The following SMAP1 variants were observed in gnomAD, a reference collection of about 807,000 sequenced individuals.
The protein encoded by SMAP1 is stromal membrane-associated protein 1.
SMAP1 carries 24 observed loss-of-function variants against 58.5 expected under a neutral mutation model. The ratio of observed to expected loss-of-function variants is 0.41; its 90% CI spans 0.30 to 0.58. SMAP1 has a LOEUF of 0.58. SMAP1 is among the 20% of genes least tolerant of loss of function. The pLI, the probability that SMAP1 is intolerant of heterozygous loss-of-function variation, is 0.29. For missense variants in SMAP1, 563 were observed against 566.3 expected, an observed-to-expected ratio of 0.99 and a Z score of 0.06; for synonymous variants, 216 against 196.6, an observed-to-expected ratio of 1.10 and a Z score of -0.82.
intron 9 of SMAP1, chr6:70,857,303 G>C: frequency 3.8e-6 from 1 of 265,022 alleles, no homozygotes; most frequent in East Asian, 6.6e-5. Context: ...GATTATCTTT[G>C]ATGAATTATT....
chr6:70,768,637 C>G (rs1325234830), intron 3 of SMAP1, among the ~76,000 whole-genome samples: 1 of 152,098 alleles, frequency 6.6e-6, no homozygotes, highest in Non-Finnish European at 1.5e-5. Context: ...TGATTCTTCT[C>G]TCTTTTCTTG....
chr6:70,852,506 TC>T lies in SMAP1; in HGVS notation c.665-33del, dbSNP rs1157654018. ...CCATGTTTCAAGTAATTTAAGATAT[TC>T]TACGTTAAGACGAGAATCTATATTC... On this transcript the variant is annotated intron_variant, in intron 7 of 10. Coordinates refer to ENST00000370455, the MANE Select transcript of SMAP1 (RefSeq NM_001044305.3). 2 of 1,464,694 alleles carry T rather than the reference TC, an allele frequency of 1.4e-6. 1 individual carries two copies. Among genetic ancestry groups the T allele is most frequent in the South Asian group, 3.0e-5 (2 of 65,748 alleles). 90.7% of individuals were successfully genotyped at this position (1,464,694 alleles called of 1,614,324 possible).
chr6:70,782,635 T>C (rs1767810643), intron 4 of SMAP1, among the ~76,000 whole-genome samples: 1 of 152,208 alleles, frequency 6.6e-6, no homozygotes, highest in Non-Finnish European at 1.5e-5. Flanking sequence ...CTCTTCAGCT[T>C]GCAGACAGCC....
intron 6 of SMAP1, among the ~76,000 whole-genome samples, chr6:70,812,820 A>G (rs531428741): frequency 2.0e-5 from 3 of 152,256 alleles, no homozygotes; most frequent in South Asian, 4.1e-4. Flanking sequence ...TCTTCTGAAC[A>G]TGGCATTCTT....
intron 1 of SMAP1, among the ~76,000 whole-genome samples, chr6:70,668,912 A>C (rs1285604662): frequency 6.6e-6 from 1 of 152,168 alleles, no homozygotes; most frequent in African/African-American, 2.4e-5. Context: ...GAATATGTGG[A>C]CACTGATTTG....
chr6:70,743,558 G>A (rs897689542), intron 2 of SMAP1, among the ~76,000 whole-genome samples: 2 of 152,188 alleles, frequency 1.3e-5, no homozygotes, highest in East Asian at 3.8e-4. Flanking sequence ...AACCAGGCAC[G>A]TAATAAGCTT....
chr6:70,709,069 T>C (rs1767951707), intron 1 of SMAP1, among the ~76,000 whole-genome samples: 1 of 138,958 alleles, frequency 7.2e-6, no homozygotes, highest in South Asian at 2.4e-4. Context: ...CCCTATATTT[T>C]CTTCTAAGGA....
At position 70,668,588 on chromosome 6, in the gene SMAP1, C is replaced by A. The variant is rs1204769288; in HGVS notation, c.118+447C>A. The A allele has an allele frequency of 3.3e-6, 5 of 1,535,598 alleles. No individual in the cohort carries two copies. In the Admixed American group the frequency reaches 9.8e-5, roughly 30 times the overall value. On this transcript the variant is annotated intron_variant, in intron 1 of 10. Coordinates refer to ENST00000370455, the MANE Select transcript of SMAP1 (RefSeq NM_001044305.3). ...TCCCCTCCTCTACCCTCCGGTGTGA[C>A]CACGTCCTCCCACTCCGGGCTCGGA...
At chr6:70,753,265 ATATAG>A (rs1479111926) in intron 2 of SMAP1, among the ~76,000 whole-genome samples, 1 of 152,200 alleles carries the variant, frequency 6.6e-6, no homozygotes, top group Admixed American at 6.6e-5. Context: ...GATTGATGAG[ATATAG>A]TATAGCATTT....
At chr6:70,752,662 CTGT>C (rs1766326305) in intron 2 of SMAP1, among the ~76,000 whole-genome samples, 1 of 152,014 alleles carries the variant, frequency 6.6e-6, no homozygotes, top group African/African-American at 2.4e-5. Flanking sequence ...ACATCAGCTC[CTGT>C]TGTTTTTTTC....
intron 1 of SMAP1, among the ~76,000 whole-genome samples, chr6:70,684,962 G>C (rs960224583): frequency 1.3e-5 from 2 of 152,040 alleles, no homozygotes; most frequent in African/African-American, 2.4e-5. Context: ...TTCCTTCTTC[G>C]TGGTGGGGGT....
At chr6:70,798,636 A>G (rs1768711085) in intron 5 of SMAP1, 21 bp from the exon 6 acceptor site, 4 of 1,490,052 alleles carry the variant, frequency 2.7e-6, no homozygotes, top group Non-Finnish European at 3.6e-6. Flanking sequence ...AAACTTATCA[A>G]AACTTTGGGC....
chr6:70,785,977 A>C (rs1768005647), intron 4 of SMAP1, among the ~76,000 whole-genome samples: 1 of 152,144 alleles, frequency 6.6e-6, no homozygotes, highest in South Asian at 2.1e-4. Flanking sequence ...CCTGATACCA[A>C]AGCCTGACAG....
rs188347261 is a variant in SMAP1, at chr6:70,860,755, A to G, written c.*421A>G. 1.2e-5 allele frequency: 5 copies of G among 400,020 alleles called. No individual in the cohort carries two copies. The Admixed American group carries it at 1.7e-4, about 14-fold the overall frequency. The allele number at this position is 400,020 out of a possible 1,614,324, so 24.8% of individuals were successfully genotyped here. A position where few individuals can be genotyped will look rare whatever the true frequency, so the allele number is the denominator to read the frequency against. On this transcript the variant is annotated 3_prime_UTR_variant, in exon 11 of 11. Transcript: ENST00000370455. The stretch of plus-strand genomic sequence containing the variant: ...GTACTGTATGATCAAATGTTTAATC[A>G]TATAAATAGAATGTAAATGTCTCAC...
At chr6:70,858,285 ATCTTT>A in intron 10 of SMAP1, 56 bp downstream of exon 10, 62 of 1,019,520 alleles carry the variant, frequency 6.1e-5, no homozygotes, top group African/African-American at 1.4e-4. Context: ...TATTTTCTAA[ATCTTT>A]TTTTTTTTTT....
Position 70,783,150 on chromosome 6 carries a change from C to A in SMAP1, c.415-8539C>A, listed in dbSNP as rs1767835789. ...ATGAAAATCCGCTGTTCTACAGCCA[C>A]CGCTTTCCTGTAGCCACCGCTGCTA... On this transcript the variant is annotated intron_variant, in intron 4 of 10. Coordinates refer to ENST00000370455, the MANE Select transcript of SMAP1 (RefSeq NM_001044305.3). Among the ~76,000 whole-genome samples the A allele has an allele frequency of 2.0e-5, 3 of 152,268 alleles. No homozygotes were observed. The South Asian group carries it at 6.2e-4, about 32-fold the overall frequency.
intron 1 of SMAP1, chr6:70,668,495 G>A: frequency 2.0e-6 from 3 of 1,472,746 alleles, no homozygotes; most frequent in Non-Finnish European, 2.7e-6. Context: ...AGAGCTTAGG[G>A]TTAGAGAGTT....
intron 1 of SMAP1, among the ~76,000 whole-genome samples, chr6:70,725,636 T>G (rs1768747736): frequency 6.6e-6 from 1 of 152,190 alleles, no homozygotes; most frequent in Admixed American, 6.5e-5. Flanking sequence ...GTGTGTCTCT[T>G]TCCCTGGGCA....
At chr6:70,846,054 T>C (rs545185330) in intron 7 of SMAP1, among the ~76,000 whole-genome samples, 1 of 152,204 alleles carries the variant, frequency 6.6e-6, no homozygotes, top group East Asian at 1.9e-4. Context: ...TCAAGGAGAA[T>C]GTGGCTGTAA....
Sources: allele counts gnomAD v4.1 joint callset (sites outside exome capture counted in the v4.1 genomes callset), GRCh38; gene constraint gnomAD v4.1.1; transcripts MANE v1.5; gene names NCBI Gene and HGNC (gene_info 2026-07-23, HGNC 2026-07-21).